Variants in GRIK5 observed in about 807,000 individuals in gnomAD.
GRIK5 encodes glutamate receptor ionotropic, kainate 5.
GRIK5 carries 43 observed loss-of-function variants against 97.4 expected under a neutral mutation model. That is an observed-to-expected ratio of 0.44 (90% CI 0.35 to 0.57). The LOEUF (loss-of-function observed/expected upper bound fraction) is 0.57, where lower values mean the gene tolerates loss of function less well. GRIK5 is among the 20% of genes least tolerant of loss of function. GRIK5 has a pLI of 0.01. For missense variants in GRIK5, 1,015 were observed against 1,382.0 expected (o/e 0.73, Z 4.21); for synonymous variants, 580 against 583.5 (o/e 0.99, Z 0.09).
rs1555871023 is a variant in GRIK5 at position 42,002,146 on chromosome 19, G to A, written c.2514+1186C>T. On this transcript the variant is annotated intron_variant, in intron 19 of 19. Transcript: ENST00000593562. This position sits in a 1 kb window ranked among gnomAD's most constrained non-coding sequence, Gnocchi z 5.2. ...ATGGAAGTTGCTGGTGACAAGAGTGGCTTCAGTGGAGTGGCAGGGACCGAT... is the reference window on the plus strand; with the variant it reads ...ATGGAAGTTGCTGGTGACAAGAGTGACTTCAGTGGAGTGGCAGGGACCGAT... 1.4e-6 allele frequency: 1 copy of A among 717,618 alleles called. No individual in the cohort carries two copies. Among genetic ancestry groups the A allele is most frequent in the Non-Finnish European group, 2.6e-6 (1 of 385,096 alleles). 44.5% of individuals were successfully genotyped at this position (717,618 alleles called of 1,614,324 possible).
rs377676644 is a variant in GRIK5 at position 42,042,514 on chromosome 19, G to T, written c.1473+38C>A. 1 of 1,556,614 alleles carries T rather than the reference G, an allele frequency of 6.4e-7. No individual in the cohort carries two copies. Among genetic ancestry groups the T allele is most frequent in the Non-Finnish European group, 8.8e-7 (1 of 1,141,950 alleles). ...AGCTGCCCGCCCTCCCTCACTCGCC[G>T]GGTCCATGCATCTTTCCCGGCCCCA... is the stretch of plus-strand genomic sequence containing the variant. On this transcript the variant is annotated intron_variant, in intron 12 of 19. Transcript: ENST00000593562. This position sits in a 1 kb window ranked among gnomAD's most constrained non-coding sequence, Gnocchi z 6.9.
At position 42,065,084 on chromosome 19, in the gene GRIK5, G is replaced by A; in HGVS notation, c.244+139C>T. On this transcript the variant is annotated intron_variant, in intron 3 of 19. Transcript: ENST00000593562. This position sits in a 1 kb window ranked among gnomAD's most constrained non-coding sequence, Gnocchi z 5.8. ...GCCCAGCAGCAGCCATGTCTGGGAA[G>A]AAGGCAGAGACAAACACAAAGAAGG... 1 of 733,588 alleles carries A rather than the reference G, an allele frequency of 1.4e-6. No individual in the cohort carries two copies. Among genetic ancestry groups the A allele is most frequent in the South Asian group, 2.0e-5 (1 of 49,004 alleles). 45.4% of individuals were successfully genotyped at this position (733,588 alleles called of 1,614,324 possible). A position where few individuals can be genotyped will look rare whatever the true frequency, so the allele number is the denominator to read the frequency against.
In GRIK5 at chr19:42,054,171, T is replaced by C. The variant is rs914179220; in HGVS notation, c.1056+149A>G. On this transcript the variant is annotated intron_variant, in intron 9 of 19. Coordinates refer to ENST00000593562, the MANE Select transcript of GRIK5 (RefSeq NM_002088.5). Reference sequence around the variant, plus strand: ...AAAGAGAGAGAGAGAGTAACCCAGATAGGCAGCAACAGCCAGGAGTGGACA... The same window carrying C: ...AAAGAGAGAGAGAGAGTAACCCAGACAGGCAGCAACAGCCAGGAGTGGACA... 13 of 809,940 alleles carry C rather than the reference T, an allele frequency of 1.6e-5. No homozygotes were observed. In the Middle Eastern group the frequency reaches 1.0e-3, roughly 64 times the overall value. 50.2% of individuals were successfully genotyped at this position (809,940 alleles called of 1,614,324 possible).
intron 15 of GRIK5, among the ~76,000 whole-genome samples, chr19:42,011,015 C>T (rs1275856119): frequency 6.6e-6 from 1 of 151,762 alleles, no homozygotes; most frequent in African/African-American, 2.4e-5. Context: ...CTATGTTGGC[C>T]AGGCTGGTGT....
intron 11 of GRIK5, among the ~76,000 whole-genome samples, chr19:42,052,435 A>G (rs537807322): frequency 1.3e-5 from 2 of 152,236 alleles, no homozygotes; most frequent in East Asian, 3.9e-4. Flanking sequence ...TCTGCAGGCC[A>G]TCTGTCCCTC....
At position 42,021,968 on chromosome 19, in the gene GRIK5, C is replaced by T; in HGVS notation, c.1676G>A (p.Cys559Tyr). 6.2e-7 allele frequency: 1 copy of T among 1,613,222 alleles called. No individual in the cohort carries two copies. Among genetic ancestry groups the T allele is most frequent in the Non-Finnish European group, 8.5e-7 (1 of 1,179,260 alleles). The change falls in exon 14 of 20, where the codon TGC becomes TAC. Residue 559 changes from cysteine (C) to tyrosine (Y), a missense_variant. Coordinates refer to ENST00000593562, the MANE Select transcript of GRIK5 (RefSeq NM_002088.5). The surrounding 1 kb of genome is among the most constrained non-coding windows in gnomAD (Gnocchi z 4.2). The stretch of plus-strand genomic sequence containing the variant: ...TCACCTGGCAGCCAGAAACAGGACG[C>T]AGCTGACAGCCAGGTAGGCAAGAAG... ...FMLLAYLAVSCVLFLAARLSP... is the reference protein window; with the variant it reads ...FMLLAYLAVSYVLFLAARLSP...
chr19:42,038,975 A>G (rs748116988), intron 12 of GRIK5, among the ~76,000 whole-genome samples: 2 of 152,106 alleles, frequency 1.3e-5, no homozygotes, highest in Non-Finnish European at 2.9e-5. Flanking sequence ...CAGACACAGG[A>G]GGAATGCTCT....
chr19:42,031,256 C>A (rs2075837237), intron 12 of GRIK5, among the ~76,000 whole-genome samples: 1 of 152,220 alleles, frequency 6.6e-6, no homozygotes, highest in Admixed American at 6.5e-5. Flanking sequence ...GGGATCACTA[C>A]CCCTGCTTCT....
chr19:42,051,454 G>A (rs2076115983), intron 11 of GRIK5, among the ~76,000 whole-genome samples: 1 of 151,960 alleles, frequency 6.6e-6, no homozygotes, highest in Non-Finnish European at 1.5e-5. Context: ...ATCTGGCCCC[G>A]CCCCTTCCTG....
At chr19:42,026,214 C>T (rs1415991120) in intron 12 of GRIK5, among the ~76,000 whole-genome samples, 1 of 152,098 alleles carries the variant, frequency 6.6e-6, no homozygotes, top group Non-Finnish European at 1.5e-5. Flanking sequence ...TCTCGAACTG[C>T]TGGGCTCAAG....
At chr19:42,050,632 T>C (rs923598719) in intron 11 of GRIK5, among the ~76,000 whole-genome samples, 3 of 140,310 alleles carry the variant, frequency 2.1e-5, no homozygotes, top group African/African-American at 8.1e-5. Context: ...CACTCCAGCC[T>C]GGGTGACAGA....
intron 11 of GRIK5, among the ~76,000 whole-genome samples, chr19:42,049,014 C>G (rs2076079166): frequency 6.6e-6 from 1 of 152,112 alleles, no homozygotes; most frequent in Non-Finnish European, 1.5e-5. Context: ...GCACTCCAGC[C>G]TGGGTAACAG....
At chr19:42,067,958 A>C (rs1003563377) in intron 1 of GRIK5, among the ~76,000 whole-genome samples, 2 of 152,200 alleles carry the variant, frequency 1.3e-5, no homozygotes, top group Admixed American at 1.3e-4. Context: ...CAAAGGTGAG[A>C]GGCAAGGAGG....
intron 12 of GRIK5, among the ~76,000 whole-genome samples, chr19:42,024,476 G>A (rs1362674016): frequency 6.6e-6 from 1 of 152,192 alleles, no homozygotes; most frequent in Non-Finnish European, 1.5e-5. Flanking sequence ...GCCTCCCAAA[G>A]TGTTGGGATT....
intron 1 of GRIK5, chr19:42,068,839 G>A (rs1000238800): frequency 1.5e-6 from 1 of 672,910 alleles, no homozygotes; most frequent in Non-Finnish European, 2.7e-6. Flanking sequence ...ACTGGACGGG[G>A]TGGGGACAGG....
At chr19:42,040,968 C>T (rs1045544223) in intron 12 of GRIK5, among the ~76,000 whole-genome samples, 1 of 152,114 alleles carries the variant, frequency 6.6e-6, no homozygotes, top group African/African-American at 2.4e-5. Context: ...CAGCTGGCAG[C>T]TTTATGGGGC....
chr19:42,034,755 T>A (rs1393322390), intron 12 of GRIK5, among the ~76,000 whole-genome samples: 1 of 151,142 alleles, frequency 6.6e-6, no homozygotes, highest in Non-Finnish European at 1.5e-5. Flanking sequence ...TAAAACAGCA[T>A]CCACGCACCA....
At chr19:42,051,164 C>T (rs2146133443) in intron 11 of GRIK5, among the ~76,000 whole-genome samples, 1 of 152,194 alleles carries the variant, frequency 6.6e-6, no homozygotes. Context: ...ACCTGGGTAC[C>T]CTGACAAATT....
chr19:42,002,727 C>G lies in GRIK5; in HGVS notation c.2514+605G>C, dbSNP rs782010346. ...GACATGGAAGCAGCCCTCCTGAACACAGTGTGGGACCAGTCCAGGGCTGTG... is the reference window on the plus strand; with the variant it reads ...GACATGGAAGCAGCCCTCCTGAACAGAGTGTGGGACCAGTCCAGGGCTGTG... On this transcript the variant is annotated intron_variant, in intron 19 of 19. Transcript: ENST00000593562. The surrounding 1 kb of genome is among the most constrained non-coding windows in gnomAD (Gnocchi z 5.2). 6.6e-6 allele frequency among the ~76,000 whole-genome samples: 1 copy of G among 152,090 alleles called. No individual in the cohort carries two copies. The highest frequency in any genetic ancestry group is 2.4e-5 in the African/African-American group (1 of 41,396).
Sources: allele counts gnomAD v4.1 joint callset (sites outside exome capture counted in the v4.1 genomes callset), GRCh38; gene constraint gnomAD v4.1.1; non-coding constraint Gnocchi (gnomAD v3.1); transcripts MANE v1.5; gene names NCBI Gene and HGNC (gene_info 2026-07-23, HGNC 2026-07-21).